LRP1B: variants seen among roughly 807,000 people sequenced by gnomAD.
LRP1B encodes the protein LDL receptor related protein 1B.
A neutral mutation model predicts 556.6 loss-of-function variants in LRP1B; 217 were observed. That is an observed-to-expected ratio of 0.39 (90% CI 0.35 to 0.44). The LOEUF (loss-of-function observed/expected upper bound fraction) is 0.44, where lower values mean the gene tolerates loss of function less well. Ranked by LOEUF, LRP1B falls within the 20% of genes least tolerant of loss-of-function variation. The pLI, the probability that LRP1B is intolerant of heterozygous loss-of-function variation, is 1.00. For synonymous variants in LRP1B, 2,047 were observed against 1,865.8 expected, an observed-to-expected ratio of 1.10 and a Z score of -2.50; for missense variants, 5,053 against 5,620.8, an observed-to-expected ratio of 0.90 and a Z score of 3.23.
intron 75 of LRP1B, 135 bp downstream of exon 75, chr2:140,356,207 A>T (rs1466334534): frequency 1.1e-6 from 1 of 881,914 alleles, no homozygotes. Flanking sequence ...TTTCATTCTC[A>T]TAAGTGAAAT....
At chr2:142,016,996 GTA>G (rs942286754) in intron 1 of LRP1B, among the ~76,000 whole-genome samples, 25 of 150,256 alleles carry the variant, frequency 1.7e-4, no homozygotes, top group African/African-American at 5.7e-4. Context: ...ATGTGTGTGT[GTA>G]TATATATATG....
intron 43 of LRP1B, among the ~76,000 whole-genome samples, chr2:140,594,785 C>T (rs1326331633): frequency 1.3e-5 from 2 of 152,150 alleles, no homozygotes; most frequent in South Asian, 4.1e-4. Context: ...TAAATGTTCC[C>T]TTCTGTAACT....
intron 29 of LRP1B, among the ~76,000 whole-genome samples, chr2:140,847,448 T>C (rs1251580286): frequency 6.6e-6 from 1 of 152,172 alleles, no homozygotes; most frequent in East Asian, 1.9e-4. Flanking sequence ...CAGTCTGTCT[T>C]GGCTCTCCTT....
chr2:142,081,215 A>T (rs917502011), intron 1 of LRP1B, among the ~76,000 whole-genome samples: 2 of 152,140 alleles, frequency 1.3e-5, no homozygotes, highest in Non-Finnish European at 2.9e-5. Context: ...ATGAGTATAT[A>T]AGAAGAAATA....
chr2:142,045,185 G>A (rs1363303669), intron 1 of LRP1B, among the ~76,000 whole-genome samples: 1 of 150,978 alleles, frequency 6.6e-6, no homozygotes, highest in Non-Finnish European at 1.5e-5. Flanking sequence ...TGACTGTGTA[G>A]GAGTAAGCAG....
chr2:140,590,521 T>G (rs1382436473), intron 43 of LRP1B, among the ~76,000 whole-genome samples: 3 of 150,746 alleles, frequency 2.0e-5, no homozygotes, highest in African/African-American at 7.3e-5. Context: ...TAAGGGTAGG[T>G]TACTAATTTT....
chr2:140,394,975 A>G (rs937303305), intron 66 of LRP1B, among the ~76,000 whole-genome samples: 2 of 152,198 alleles, frequency 1.3e-5, no homozygotes, highest in South Asian at 2.1e-4. Flanking sequence ...TCTAATGACT[A>G]TACGTGAATA....
intron 79 of LRP1B, among the ~76,000 whole-genome samples, chr2:140,328,406 T>TGTCA (rs1680606603): frequency 6.6e-6 from 1 of 151,866 alleles, no homozygotes; most frequent in Admixed American, 6.6e-5. Context: ...ATTTCACTCT[T>TGTCA]GTCAAACTCT....
At chr2:140,438,599 C>T (rs942889994) in intron 66 of LRP1B, among the ~76,000 whole-genome samples, 1 of 152,136 alleles carries the variant, frequency 6.6e-6, no homozygotes, top group Non-Finnish European at 1.5e-5. Context: ...TTCTCAGTGT[C>T]ATGTTGGGAA....
chr2:140,479,037 C>T (rs1388730296), intron 59 of LRP1B, among the ~76,000 whole-genome samples: 3 of 151,702 alleles, frequency 2.0e-5, no homozygotes, highest in South Asian at 4.2e-4. Context: ...TTTAAGTATT[C>T]GTCAAGCAGA....
At chr2:141,088,090 T>C (rs1206992905) in intron 7 of LRP1B, among the ~76,000 whole-genome samples, 2 of 152,200 alleles carry the variant, frequency 1.3e-5, no homozygotes, top group Non-Finnish European at 1.5e-5. Context: ...AGACATTCTT[T>C]TTTTTTGAAC....
chr2:140,892,833 G>A lies in LRP1B; in HGVS notation c.3767-6498C>T, dbSNP rs147147438. ...CTACGACACTATCTAGTGATTAGAA[G>A]TAACAGAGTAGGTGCACAGTTCATA... is the stretch of plus-strand genomic sequence containing the variant. On this transcript the variant is annotated intron_variant, in intron 23 of 90. Transcript: ENST00000389484. Among the ~76,000 whole-genome samples, 653 of 152,226 alleles carry A rather than the reference G, an allele frequency of 4.3e-3. 6 individuals are homozygous for A. Among genetic ancestry groups the A allele is most frequent in the African/African-American group, 0.014 (600 of 41,548 alleles).
chr2:140,850,471 T>G, intron 28 of LRP1B, 142 bp from the exon 29 acceptor site: 1 of 570,176 alleles, frequency 1.8e-6, no homozygotes, highest in Non-Finnish European at 3.1e-6. Flanking sequence ...CAGTAACAAT[T>G]TATCTATTTT....
intron 35 of LRP1B, among the ~76,000 whole-genome samples, chr2:140,756,734 T>C (rs186557425): frequency 1.3e-5 from 2 of 152,254 alleles, no homozygotes; most frequent in East Asian, 3.9e-4. Flanking sequence ...AACATGGAAT[T>C]AAATGTTAGT....
At chr2:141,103,326 T>C (rs1700512645) in intron 7 of LRP1B, among the ~76,000 whole-genome samples, 2 of 152,130 alleles carry the variant, frequency 1.3e-5, no homozygotes, top group African/African-American at 4.8e-5. Context: ...ACATAATTGG[T>C]TGTCAATAAA....
At chr2:140,966,811 G>A (rs909429628) in intron 18 of LRP1B, among the ~76,000 whole-genome samples, 42 of 152,058 alleles carry the variant, frequency 2.8e-4, no homozygotes, top group African/African-American at 8.0e-4. Flanking sequence ...TCCTTTCCCC[G>A]TTTCTTGTTT....
chr2:141,602,418 T>C (rs1315486578), intron 2 of LRP1B, among the ~76,000 whole-genome samples: 1 of 152,194 alleles, frequency 6.6e-6, no homozygotes, highest in Non-Finnish European at 1.5e-5. Flanking sequence ...CAGTCCTATG[T>C]TGGCTCAACT....
chr2:141,647,958 A>G (rs574952671), intron 2 of LRP1B, among the ~76,000 whole-genome samples: 207 of 152,230 alleles, frequency 1.4e-3, no homozygotes, highest in African/African-American at 4.8e-3. Context: ...TCTACATAAA[A>G]CAGAAATATT....
intron 35 of LRP1B, among the ~76,000 whole-genome samples, chr2:140,752,290 C>T (rs1688606851): frequency 6.7e-6 from 1 of 149,978 alleles, no homozygotes; most frequent in African/African-American, 2.4e-5. Context: ...TCTACTAAAT[C>T]TAATTCTGGG....
Sources: gnomAD v4.1 joint callset for allele counts (sites outside exome capture counted in the v4.1 genomes callset) on GRCh38, gnomAD v4.1.1 for gene constraint, MANE v1.5 for transcripts, NCBI Gene and HGNC (gene_info 2026-07-23, HGNC 2026-07-21) for gene names.